The following LRP1B variants were observed in gnomAD, a reference collection of about 807,000 sequenced individuals.
The protein encoded by LRP1B is LDL receptor related protein 1B.
Under a neutral mutation model 556.6 loss-of-function variants are expected in LRP1B, and 217 were observed. The observed-to-expected ratio is 0.39, with a 90% confidence interval of 0.35 to 0.44. LRP1B has a LOEUF of 0.44. LRP1B is among the 20% of genes least tolerant of loss of function. LRP1B has a pLI of 1.00. For missense variants in LRP1B, 5,053 were observed against 5,620.8 expected (o/e 0.90, Z 3.23); for synonymous variants, 2,047 against 1,865.8 (o/e 1.10, Z -2.50).
At chr2:140,970,741 T>C (rs888728138) in intron 18 of LRP1B, among the ~76,000 whole-genome samples, 12 of 9,614 alleles carry the variant, frequency 1.2e-3, no homozygotes, top group African/African-American at 2.4e-3. Flanking sequence ...TTTTTTTTTT[T>C]TTTTTTTTTT....
chr2:141,995,094 T>C (rs1559010138), intron 1 of LRP1B, among the ~76,000 whole-genome samples: 1 of 152,114 alleles, frequency 6.6e-6, no homozygotes, highest in African/African-American at 2.4e-5. Context: ...ATTTATATAA[T>C]AATAATAGCA....
chr2:141,993,352 AC>A (rs765035241), intron 1 of LRP1B, among the ~76,000 whole-genome samples: 47 of 152,064 alleles, frequency 3.1e-4, no homozygotes, highest in Non-Finnish European at 5.1e-4. Context: ...TATTCAAACC[AC>A]CTCACTGAGG....
At chr2:140,718,417 C>T (rs1175845475) in intron 35 of LRP1B, among the ~76,000 whole-genome samples, 1 of 151,990 alleles carries the variant, frequency 6.6e-6, no homozygotes, top group Non-Finnish European at 1.5e-5. Context: ...TATCTATTAT[C>T]CAACCACGTC....
chr2:140,936,363 GAAAGGAAAAA>G (rs1194465307), intron 20 of LRP1B, among the ~76,000 whole-genome samples: 12 of 91,142 alleles, frequency 1.3e-4, no homozygotes, highest in African/African-American at 4.4e-4. Context: ...AAAAAAAAAA[GAAAGGAAAAA>G]AGAAAAGAAA....
intron 72 of LRP1B, among the ~76,000 whole-genome samples, chr2:140,361,621 C>T (rs1277915089): frequency 6.6e-6 from 1 of 151,166 alleles, no homozygotes; most frequent in African/African-American, 2.4e-5. Context: ...TCTGGTGCCT[C>T]ACTCTTCTTT....
At chr2:140,289,913 A>G (rs1683306782) in intron 84 of LRP1B, among the ~76,000 whole-genome samples, 1 of 151,938 alleles carries the variant, frequency 6.6e-6, no homozygotes, top group African/African-American at 2.4e-5. Context: ...ATGGACCATC[A>G]AGGATCTTCA....
chr2:140,656,629 G>T (rs1218741587), intron 41 of LRP1B, among the ~76,000 whole-genome samples: 2 of 152,116 alleles, frequency 1.3e-5, no homozygotes, highest in East Asian at 3.9e-4. Flanking sequence ...TAATTTTGCG[G>T]ACTACTTCTG....
chr2:142,018,613 A>G (rs777822037), intron 1 of LRP1B, among the ~76,000 whole-genome samples: 2 of 152,202 alleles, frequency 1.3e-5, no homozygotes, highest in Admixed American at 1.3e-4. Flanking sequence ...TTTAATTTTC[A>G]TTGAAAACAA....
At chr2:141,630,913 ATTCT>A (rs1306804793) in intron 2 of LRP1B, among the ~76,000 whole-genome samples, 3 of 151,906 alleles carry the variant, frequency 2.0e-5, no homozygotes, top group Non-Finnish European at 4.4e-5. Context: ...TTTATTTTTC[ATTCT>A]TTAAGAAACA....
chr2:141,958,446 C>A (rs556420592), intron 1 of LRP1B, among the ~76,000 whole-genome samples: 1 of 151,978 alleles, frequency 6.6e-6, no homozygotes, highest in South Asian at 2.1e-4. Flanking sequence ...TTCTTGTTTG[C>A]AAAGATGGCA....
At chr2:141,052,958 T>A (rs925602471) in intron 10 of LRP1B, among the ~76,000 whole-genome samples, 1 of 152,026 alleles carries the variant, frequency 6.6e-6, no homozygotes, top group African/African-American at 2.4e-5. Flanking sequence ...TTCTAATGGA[T>A]GTCTTAATTG....
At chr2:142,060,370 G>A (rs1055658402) in intron 1 of LRP1B, among the ~76,000 whole-genome samples, 1 of 152,012 alleles carries the variant, frequency 6.6e-6, no homozygotes, top group Non-Finnish European at 1.5e-5. Flanking sequence ...TTAAATGCAA[G>A]AACCTCAAAG....
intron 1 of LRP1B, among the ~76,000 whole-genome samples, chr2:141,945,499 ATTC>A (rs542937185): frequency 5.3e-5 from 8 of 151,588 alleles, no homozygotes; most frequent in East Asian, 1.9e-4. Context: ...TGAAACTGAT[ATTC>A]TTCATTTCAG....
chr2:141,543,482 C>T (rs1484094030), intron 2 of LRP1B, among the ~76,000 whole-genome samples: 1 of 140,078 alleles, frequency 7.1e-6, no homozygotes, highest in Non-Finnish European at 1.5e-5. Flanking sequence ...GGTTGTGTCA[C>T]TGCACTCCAG....
chr2:140,988,653 C>T (rs1364863511), intron 17 of LRP1B, among the ~76,000 whole-genome samples: 1 of 152,102 alleles, frequency 6.6e-6, no homozygotes, highest in Non-Finnish European at 1.5e-5. Flanking sequence ...TCTTCTCAAC[C>T]CCTGGGTCTT....
At chr2:141,314,859 T>TATATATACATATATACATACATATATAC (rs1686952988) in intron 3 of LRP1B, among the ~76,000 whole-genome samples, 4 of 137,386 alleles carry the variant, frequency 2.9e-5, no homozygotes, top group Non-Finnish European at 3.1e-5. Flanking sequence ...TATATATACA[T>TATATATACATATATACATACATATATAC]ATATATACAT....
At chr2:140,450,296 T>C (rs1205537624) in intron 63 of LRP1B, among the ~76,000 whole-genome samples, 1 of 152,142 alleles carries the variant, frequency 6.6e-6, no homozygotes, top group African/African-American at 2.4e-5. Context: ...CATGAAATAA[T>C]GTCATTATTC....
chr2:140,372,932 T>G, intron 69 of LRP1B, 76 bp downstream of exon 69: 1 of 1,495,888 alleles, frequency 6.7e-7, no homozygotes, highest in Non-Finnish European at 9.2e-7. Flanking sequence ...CACTGTTTTC[T>G]GCATATTGCT....
intron 71 of LRP1B, among the ~76,000 whole-genome samples, chr2:140,367,988 TA>T (rs778062530): frequency 4.0e-5 from 6 of 151,820 alleles, no homozygotes; most frequent in Non-Finnish European, 8.8e-5. Flanking sequence ...AAGAGAACTA[TA>T]AATGAAATCA....
Sources: allele counts gnomAD v4.1 joint callset (sites outside exome capture counted in the v4.1 genomes callset), GRCh38; gene constraint gnomAD v4.1.1; transcripts MANE v1.5; gene names NCBI Gene and HGNC (gene_info 2026-07-23, HGNC 2026-07-21).